SGCZ: variants seen among roughly 807,000 people sequenced by gnomAD.
SGCZ encodes sarcoglycan zeta.
In SGCZ, 40 loss-of-function variants were observed where a neutral mutation model predicts 41.3. That is an observed-to-expected ratio of 0.97 (90% CI 0.75 to 1.26). The LOEUF is 1.26. Among genes scored for constraint, SGCZ ranks in the 50% most tolerant of loss-of-function variants. The pLI is 0.00. For missense variants in SGCZ, 552 were observed against 369.8 expected (o/e 1.49, Z -4.04); for synonymous variants, 206 against 137.5 (o/e 1.50, Z -3.49).
At chr8:14,488,467 A>T (rs900429260) in intron 2 of SGCZ, among the ~76,000 whole-genome samples, 4 of 151,852 alleles carry the variant, frequency 2.6e-5, no homozygotes, top group Non-Finnish European at 5.9e-5. Context: ...GCTTCCTAAG[A>T]TTACTCACTT....
chr8:14,789,524 G>A lies in SGCZ; in HGVS notation c.40-234598C>T, dbSNP rs575853588. Among the ~76,000 whole-genome samples the A allele has an allele frequency of 1.4e-4, 21 of 151,954 alleles. No homozygotes were observed. The South Asian group carries it at 4.1e-3, about 30-fold the overall frequency. On this transcript the variant is annotated intron_variant, in intron 1 of 7. Coordinates refer to ENST00000382080, the MANE Select transcript of SGCZ (RefSeq NM_139167.4). ...TCATGATATAATTTCCAAAATATAT[G>A]AGTTTACAATTTTAGTATCTAAAAC...
At chr8:15,100,572 G>T (rs1806568838) in intron 1 of SGCZ, among the ~76,000 whole-genome samples, 1 of 152,080 alleles carries the variant, frequency 6.6e-6, no homozygotes, top group Non-Finnish European at 1.5e-5. Flanking sequence ...ATCACCAGTG[G>T]ATTATTTTGT....
intron 4 of SGCZ, among the ~76,000 whole-genome samples, chr8:14,235,514 C>T (rs76663305): frequency 2.0e-5 from 3 of 152,068 alleles, no homozygotes; most frequent in Admixed American, 6.6e-5. Context: ...CAGTTTGGAA[C>T]GGTAACTGAA....
At chr8:15,014,970 C>T (rs1267799630) in intron 1 of SGCZ, among the ~76,000 whole-genome samples, 1 of 152,232 alleles carries the variant, frequency 6.6e-6, no homozygotes, top group East Asian at 1.9e-4. Context: ...AGGCGACCAG[C>T]ATGGTGACTC....
intron 3 of SGCZ, among the ~76,000 whole-genome samples, chr8:14,295,069 A>G (rs1413971516): frequency 6.6e-6 from 1 of 152,184 alleles, no homozygotes; most frequent in African/African-American, 2.4e-5. Flanking sequence ...CATTCTGTAG[A>G]ATAAATATCC....
chr8:15,214,889 C>T (rs1563188198), intron 1 of SGCZ, among the ~76,000 whole-genome samples: 1 of 152,130 alleles, frequency 6.6e-6, no homozygotes, highest in Non-Finnish European at 1.5e-5. Flanking sequence ...AGCAGGTGTT[C>T]TTTCACTTAG....
intron 1 of SGCZ, among the ~76,000 whole-genome samples, chr8:14,831,816 G>A (rs12545957): frequency 0.14 from 311 of 2,244 alleles, no homozygotes; most frequent in Middle Eastern, 0.5. Flanking sequence ...ATATATGTGT[G>A]CACATACATG....
At chr8:14,993,068 C>T (rs1168024805) in intron 1 of SGCZ, among the ~76,000 whole-genome samples, 1 of 152,050 alleles carries the variant, frequency 6.6e-6, no homozygotes, top group Non-Finnish European at 1.5e-5. Context: ...TAGTGTTAAT[C>T]TTTATATTTA....
chr8:14,461,587 C>A (rs978277240), intron 2 of SGCZ, among the ~76,000 whole-genome samples: 1 of 151,984 alleles, frequency 6.6e-6, no homozygotes, highest in Non-Finnish European at 1.5e-5. Context: ...ATCAGTATGG[C>A]AGTTTCAGTA....
intron 1 of SGCZ, among the ~76,000 whole-genome samples, chr8:14,951,523 G>A (rs893698897): frequency 3.9e-5 from 6 of 151,928 alleles, no homozygotes; most frequent in Admixed American, 1.3e-4. Context: ...ATTCCTAAAT[G>A]CAGCTGTAAT....
At position 14,352,843 on chromosome 8, in the gene SGCZ, G is replaced by A. The variant is rs188698607; in HGVS notation, c.235-28639C>T. The stretch of plus-strand genomic sequence containing the variant: ...CATGCATGCAGTCATATTTTTAGGT[G>A]TCTTTTAACACCTAAACAGCCTTAA... On this transcript the variant is annotated intron_variant, in intron 2 of 7. Transcript: ENST00000382080. Among the ~76,000 whole-genome samples the A allele has an allele frequency of 1.9e-3, 286 of 152,088 alleles. 1 individual carries two copies. The highest frequency in any genetic ancestry group is 6.8e-3 in the African/African-American group (281 of 41,490).
intron 1 of SGCZ, among the ~76,000 whole-genome samples, chr8:15,150,677 A>G (rs1176596761): frequency 1.3e-5 from 2 of 152,234 alleles, no homozygotes; most frequent in African/African-American, 4.8e-5. Flanking sequence ...AAAAAATTGT[A>G]TCAAGAGAAA....
chr8:15,109,121 A>G (rs767841511), intron 1 of SGCZ, among the ~76,000 whole-genome samples: 7 of 152,172 alleles, frequency 4.6e-5, no homozygotes, highest in Non-Finnish European at 1.0e-4. Context: ...CACACTCATA[A>G]TAGAGACCTA....
chr8:15,157,392 C>A (rs1399995591), intron 1 of SGCZ, among the ~76,000 whole-genome samples: 1 of 151,142 alleles, frequency 6.6e-6, no homozygotes, highest in African/African-American at 2.4e-5. Flanking sequence ...GTACTCTAGG[C>A]TGGGTGACAA....
intron 1 of SGCZ, among the ~76,000 whole-genome samples, chr8:14,784,142 G>T (rs74335173): frequency 6.6e-6 from 1 of 150,620 alleles, no homozygotes; most frequent in Non-Finnish European, 1.5e-5. Context: ...ACTTGACCTC[G>T]CAGGCTCAAT....
intron 1 of SGCZ, among the ~76,000 whole-genome samples, chr8:15,058,413 T>C (rs1187294831): frequency 6.6e-6 from 1 of 152,170 alleles, no homozygotes; most frequent in Admixed American, 6.5e-5. Flanking sequence ...CCATCTTTTG[T>C]CGGTCAAACC....
intron 4 of SGCZ, among the ~76,000 whole-genome samples, chr8:14,207,534 T>C (rs1805656790): frequency 6.6e-6 from 1 of 152,184 alleles, no homozygotes; most frequent in African/African-American, 2.4e-5. Context: ...GATCTAGTTT[T>C]CTATATTTAA....
chr8:14,720,733 A>C (rs1426249675), intron 1 of SGCZ, among the ~76,000 whole-genome samples: 4 of 152,082 alleles, frequency 2.6e-5, no homozygotes, highest in African/African-American at 9.7e-5. Flanking sequence ...AACATAGACC[A>C]CGTAAACTAC....
intron 2 of SGCZ, among the ~76,000 whole-genome samples, chr8:14,497,821 C>CTA (rs1404674258): frequency 1.3e-5 from 2 of 152,120 alleles, no homozygotes; most frequent in Admixed American, 1.3e-4. Context: ...CACATTCAAA[C>CTA]TATATCAGGA....
Sources: gnomAD v4.1 joint callset for allele counts (sites outside exome capture counted in the v4.1 genomes callset) on GRCh38, gnomAD v4.1.1 for gene constraint, MANE v1.5 for transcripts, NCBI Gene and HGNC (gene_info 2026-07-23, HGNC 2026-07-21) for gene names.